The following ANKFN1 variants were observed in gnomAD, a reference collection of about 807,000 sequenced individuals.
The protein encoded by ANKFN1 is ankyrin repeat and fibronectin type-III domain-containing protein 1.
In ANKFN1, 74 loss-of-function variants were observed where a neutral mutation model predicts 108.7. The observed-to-expected ratio is 0.68, with a 90% CI of 0.56 to 0.83. The LOEUF is 0.83. Among genes scored for constraint, ANKFN1 ranks in the 40% least tolerant of loss-of-function variants. The pLI, the probability that ANKFN1 is intolerant of heterozygous loss-of-function variation, is 0.00. For missense variants in ANKFN1, 1,505 were observed against 1,382.3 expected (o/e 1.09, Z -1.41); for synonymous variants, 547 against 516.2 (o/e 1.06, Z -0.81).
intron 1 of ANKFN1, among the ~76,000 whole-genome samples, chr17:56,172,313 T>G (rs1198942246): frequency 6.6e-6 from 1 of 152,180 alleles, no homozygotes; most frequent in Non-Finnish European, 1.5e-5. Flanking sequence ...AAATGGTATG[T>G]CTACTCCTCT....
chr17:56,137,361 A>G (rs1026297766), intron 4 of ANKFN1, among the ~76,000 whole-genome samples: 4 of 152,202 alleles, frequency 2.6e-5, no homozygotes, highest in Non-Finnish European at 5.9e-5. Context: ...AGCAGGGTCA[A>G]TCTCAGCAAT....
intron 3 of ANKFN1, among the ~76,000 whole-genome samples, chr17:56,274,649 T>C (rs762495102): frequency 2.0e-5 from 3 of 152,138 alleles, no homozygotes; most frequent in Non-Finnish European, 4.4e-5. Flanking sequence ...TTAGAGGCAC[T>C]GAAAAGCTTG....
At chr17:56,323,200 T>C (rs549171538) in intron 3 of ANKFN1, 14 of 152,266 alleles carry the variant, frequency 9.2e-5, no homozygotes, top group Admixed American at 5.2e-4. Flanking sequence ...ATTAGTATTA[T>C]GACATGGAGG....
At chr17:56,217,159 C>T (rs1374700400) in intron 2 of ANKFN1, among the ~76,000 whole-genome samples, 1 of 152,124 alleles carries the variant, frequency 6.6e-6, no homozygotes, top group African/African-American at 2.4e-5. Flanking sequence ...AAAGGACCTC[C>T]CTCCATCCTT....
intron 3 of ANKFN1, among the ~76,000 whole-genome samples, chr17:56,324,340 T>C (rs1048414426): frequency 1.3e-5 from 2 of 152,230 alleles, no homozygotes; most frequent in African/African-American, 4.8e-5. Context: ...AGTAGACTAA[T>C]GAATACATGG....
chr17:56,510,900 C>G lies in ANKFN1; in HGVS notation c.3072C>G (p.Thr1024=). ...HHRWLRIHSE[T]QSLSLSEGIY... ...GCTGGTTGCGCATCCACAGCGAGAC[C>G]CAGTCGCTATCGCTCTCTGAGGGCA... The change falls in exon 21 of 21, where the codon ACC becomes ACG. Residue 1024 remains threonine, a synonymous_variant. Transcript: ENST00000682825. The G allele has an allele frequency of 6.5e-6, 10 of 1,536,170 alleles. No individual in the cohort carries two copies. Among genetic ancestry groups the G allele is most frequent in the South Asian group, 1.2e-5 (1 of 84,066 alleles).
chr17:56,141,195 C>T (rs1907896868), intron 4 of ANKFN1, among the ~76,000 whole-genome samples: 1 of 152,182 alleles, frequency 6.6e-6, no homozygotes, highest in Admixed American at 6.5e-5. Context: ...TTATCAGGGA[C>T]AGTGGGTGTT....
chr17:56,103,196 A>G (rs1598095799), intron 4 of ANKFN1, among the ~76,000 whole-genome samples: 2 of 152,230 alleles, frequency 1.3e-5, no homozygotes, highest in African/African-American at 2.4e-5. Context: ...AATGAGCGAC[A>G]TGAAAAGGAA....
Position 56,201,382 on chromosome 17 carries a change from CT to C in ANKFN1, c.-70-11214del, listed in dbSNP as rs1199289195. ...CCTTTCTCAGCTGTAAGTAGACTGC[CT>C]TATTGTACACTGTCATAGTGGCCCA... On this transcript the variant is annotated intron_variant, in intron 1 of 20. Transcript: ENST00000682825. 1.1e-4 allele frequency among the ~76,000 whole-genome samples: 16 copies of C among 152,268 alleles called. No individual in the cohort carries two copies. In the East Asian group the frequency reaches 2.9e-3, roughly 28 times the overall value.
At chr17:56,115,877 A>C (rs1906235936) in intron 4 of ANKFN1, among the ~76,000 whole-genome samples, 1 of 152,182 alleles carries the variant, frequency 6.6e-6, no homozygotes, top group Admixed American at 6.5e-5. Flanking sequence ...CTACAGGGGA[A>C]CGGCCAGGCA....
intron 3 of ANKFN1, among the ~76,000 whole-genome samples, chr17:56,237,570 C>A (rs960353200): frequency 6.6e-6 from 1 of 151,998 alleles, no homozygotes; most frequent in Non-Finnish European, 1.5e-5. Context: ...TCTGTGCATA[C>A]AGGTATTCAT....
chr17:56,434,213 A>G (rs1304992903), intron 8 of ANKFN1, among the ~76,000 whole-genome samples: 2 of 152,160 alleles, frequency 1.3e-5, no homozygotes, highest in Non-Finnish European at 1.5e-5. Flanking sequence ...GTGTAGCTCT[A>G]TCATATGATA....
At chr17:56,454,923 C>T (rs2049634688) in intron 11 of ANKFN1, among the ~76,000 whole-genome samples, 1 of 152,154 alleles carries the variant, frequency 6.6e-6, no homozygotes. Context: ...GAACAAGCCA[C>T]TAGCTTTCTT....
At chr17:56,489,010 GTGT>G (rs570180026) in intron 18 of ANKFN1, among the ~76,000 whole-genome samples, 2 of 152,178 alleles carry the variant, frequency 1.3e-5, no homozygotes, top group Non-Finnish European at 2.9e-5. Flanking sequence ...TATAATCCCT[GTGT>G]TAGAGATGAG....
chr17:56,054,866 AC>A (rs1461160393), intron 4 of ANKFN1, among the ~76,000 whole-genome samples: 1 of 152,210 alleles, frequency 6.6e-6, no homozygotes, highest in African/African-American at 2.4e-5. Context: ...AGCCTGGGTG[AC>A]AGAGCAAGAC....
At chr17:56,192,122 A>G (rs1296281547) in intron 1 of ANKFN1, among the ~76,000 whole-genome samples, 1 of 151,830 alleles carries the variant, frequency 6.6e-6, no homozygotes, top group Non-Finnish European at 1.5e-5. Context: ...CTGATCTTTG[A>G]CAAACCTGAG....
intron 5 of ANKFN1, among the ~76,000 whole-genome samples, chr17:56,351,696 A>G (rs1024911592): frequency 1.3e-5 from 2 of 152,192 alleles, no homozygotes; most frequent in Non-Finnish European, 2.9e-5. Context: ...GACCTTGTAG[A>G]TGTCATAGTG....
chr17:56,504,466 G>A (rs1355221464), intron 20 of ANKFN1, among the ~76,000 whole-genome samples: 1 of 151,976 alleles, frequency 6.6e-6, no homozygotes, highest in Non-Finnish European at 1.5e-5. Context: ...GAAATCTACT[G>A]GACTAGATCA....
chr17:56,311,167 T>TTG (rs34528192), intron 3 of ANKFN1, among the ~76,000 whole-genome samples: 14,207 of 147,670 alleles, frequency 0.096, 643 homozygotes, highest in East Asian at 0.16. Flanking sequence ...TCTCGTGTGT[T>TTG]TGTGTGTGTG....
Sources: gnomAD v4.1 joint callset for allele counts (sites outside exome capture counted in the v4.1 genomes callset) on GRCh38, gnomAD v4.1.1 for gene constraint, MANE v1.5 for transcripts, NCBI Gene and HGNC (gene_info 2026-07-23, HGNC 2026-07-21) for gene names.